Variants in RNF146 observed in about 807,000 individuals in gnomAD.
RNF146 encodes E3 ubiquitin-protein ligase RNF146.
RNF146 carries 11 observed loss-of-function variants against 29.7 expected under a neutral mutation model. The observed-to-expected ratio is 0.37, with a 90% CI of 0.23 to 0.61. The LOEUF is 0.61. Among genes scored for constraint, RNF146 ranks in the 20% least tolerant of loss-of-function variants. The pLI is 0.66. For missense variants in RNF146, 342 were observed against 438.9 expected, an observed-to-expected ratio of 0.78 and a Z score of 1.97; for synonymous variants, 150 against 159.7, an observed-to-expected ratio of 0.94 and a Z score of 0.46.
intron 1 of RNF146, among the ~76,000 whole-genome samples, chr6:127,274,294 G>C (rs990240404): frequency 2.6e-5 from 4 of 152,062 alleles, no homozygotes; most frequent in African/African-American, 9.7e-5. Context: ...GCTTATTTGG[G>C]TGTTCAAATA....
In RNF146 at chr6:127,287,729, AG is replaced by A. The variant is rs1779720927; in HGVS notation, c.*39del. 1 of 1,317,656 alleles carries A rather than the reference AG, an allele frequency of 7.6e-7. No homozygotes were observed. The highest frequency in any genetic ancestry group is 1.4e-5 in the South Asian group (1 of 72,246). 81.6% of individuals were successfully genotyped at this position (1,317,656 alleles called of 1,614,324 possible). A position where few individuals can be genotyped will look rare whatever the true frequency, so the allele number is the denominator to read the frequency against. On this transcript the variant is annotated 3_prime_UTR_variant, in exon 3 of 3. Coordinates refer to ENST00000368314, the MANE Select transcript of RNF146 (RefSeq NM_001242850.2). ...CTTCAGCTCCATGCTCAAGGTTGAA[AG>A]GGTTACCTGTAAATTTCTGCCCACA...
Position 127,280,354 on chromosome 6 carries a change from C to G in RNF146, c.2+14C>G, listed in dbSNP as rs1026451584. On this transcript the variant is annotated intron_variant, in intron 2 of 2. Transcript: ENST00000368314. ...TGTAATAGAAATGTAAGTGTAGCAT[C>G]ATGGTTTTTTTCAGTGCTGCAGTAA... 1.3e-6 allele frequency: 2 copies of G among 1,546,634 alleles called. No homozygotes were observed. The highest frequency in any genetic ancestry group is 2.0e-5 in the Admixed American group (1 of 50,878).
intron 1 of RNF146, among the ~76,000 whole-genome samples, chr6:127,278,222 T>G (rs1778487767): frequency 6.6e-6 from 1 of 152,040 alleles, no homozygotes; most frequent in Non-Finnish European, 1.5e-5. Context: ...GATTAATGAC[T>G]GAGATGGTAC....
chr6:127,276,158 ATG>A (rs1035849594), intron 1 of RNF146, among the ~76,000 whole-genome samples: 1 of 151,144 alleles, frequency 6.6e-6, no homozygotes, highest in East Asian at 2.0e-4. Flanking sequence ...GAGTGAGTGT[ATG>A]TGTGTGTGTG....
At position 127,280,236 on chromosome 6, in the gene RNF146, A is replaced by C; in HGVS notation, c.-103A>C. Reference sequence around the variant, plus strand: ...ACTCTTTTTTTCTTTTGCAGCACAAAGAATGAACCAGCAGTGGAAGAGAAA... The same window carrying C: ...ACTCTTTTTTTCTTTTGCAGCACAACGAATGAACCAGCAGTGGAAGAGAAA... On this transcript the variant is annotated 5_prime_UTR_variant, in exon 2 of 3. Coordinates refer to ENST00000368314, the MANE Select transcript of RNF146 (RefSeq NM_001242850.2). 9.0e-7 allele frequency: 1 copy of C among 1,109,102 alleles called. No homozygotes were observed. The highest frequency in any genetic ancestry group is 1.3e-6 in the Non-Finnish European group (1 of 755,466). 68.7% of individuals were successfully genotyped at this position (1,109,102 alleles called of 1,614,324 possible).
At chr6:127,271,445 T>C (rs968566074) in intron 1 of RNF146, among the ~76,000 whole-genome samples, 1 of 152,246 alleles carries the variant, frequency 6.6e-6, no homozygotes, top group African/African-American at 2.4e-5. Flanking sequence ...AGTTTTCTTT[T>C]TTAATGTGTC....
chr6:127,269,110 C>T (rs1777076335), intron 1 of RNF146, among the ~76,000 whole-genome samples: 1 of 152,202 alleles, frequency 6.6e-6, no homozygotes, highest in Admixed American at 6.5e-5. Flanking sequence ...TGTGAAACAA[C>T]ATCTTTGTGG....
At chr6:127,285,966 AT>A in intron 2 of RNF146, 5 of 1,039,590 alleles carry the variant, frequency 4.8e-6, no homozygotes, top group Non-Finnish European at 4.9e-6. Context: ...ATCTGAATCA[AT>A]AAGGCAGAAA....
intron 1 of RNF146, among the ~76,000 whole-genome samples, chr6:127,278,156 C>T (rs758305892): frequency 9.9e-5 from 15 of 151,986 alleles, no homozygotes; most frequent in South Asian, 2.1e-4. Context: ...ATATGATGTG[C>T]GTCCTGTAGT....
chr6:127,280,580 A>G, intron 2 of RNF146: 3 of 1,188,898 alleles, frequency 2.5e-6, no homozygotes. Flanking sequence ...GAGTTTGCTC[A>G]AAGAATGCTG....
intron 2 of RNF146, 48 bp downstream of exon 2, chr6:127,280,388 G>C: frequency 6.5e-7 from 1 of 1,540,208 alleles, no homozygotes; most frequent in Non-Finnish European, 8.8e-7. Flanking sequence ...AAATTAAATG[G>C]ATTGGTTTAA....
Position 127,287,129 on chromosome 6 carries a change from T to A in RNF146, c.516T>A (p.Asp172Glu). The A allele has an allele frequency of 6.2e-7, 1 of 1,613,264 alleles. No individual in the cohort carries two copies. The highest frequency in any genetic ancestry group is 8.5e-7 in the Non-Finnish European group (1 of 1,179,592). Residue 172 changes from aspartate (D) to glutamate (E), a missense_variant, in exon 3 of 3, where the codon GAT (aspartate) becomes GAA (glutamate). Physicochemically the swap from Asp to Glu is conservative, Grantham distance 45. Transcript: ENST00000368314. ...GGAAGATTAAGCGAGATATAATAGA[T>A]ATACCAAAGAAGGGAGTAGCTGGAC... ...RRRKIKRDII[D>E]IPKKGVAGLR...
chr6:127,266,764 CG>C (rs1204939459), upstream of RNF146: 3 of 152,162 alleles, frequency 2.0e-5, no homozygotes, highest in Non-Finnish European at 4.4e-5. Flanking sequence ...GATGAGGCGC[CG>C]GAGTTAGCTC....
At chr6:127,285,436 T>TA (rs1779381371) in intron 2 of RNF146, 3 of 668,352 alleles carry the variant, frequency 4.5e-6, no homozygotes, top group Non-Finnish European at 5.5e-6. Context: ...TCATTCATTT[T>TA]AAGCTTTCAA....
rs112136087 is a variant in RNF146 at position 127,283,452 on chromosome 6, A to G, written c.2+3112A>G. Among the ~76,000 whole-genome samples the G allele has an allele frequency of 3.3e-5, 5 of 151,866 alleles. 1 individual carries two copies. The highest frequency in any genetic ancestry group is 1.2e-4 in the African/African-American group (5 of 41,520). On this transcript the variant is annotated intron_variant, in intron 2 of 2. Coordinates refer to ENST00000368314, the MANE Select transcript of RNF146 (RefSeq NM_001242850.2). ...ACAAAGGGAGGGGAAAAGCTTTCTT[A>G]TTTACATATTGGTATGATCATCTGC...
intron 1 of RNF146, among the ~76,000 whole-genome samples, chr6:127,272,549 G>A (rs1777637431): frequency 6.6e-6 from 1 of 152,168 alleles, no homozygotes; most frequent in African/African-American, 2.4e-5. Context: ...TAGGATTCCT[G>A]TTTACATCTG....
rs138153918 is a variant in RNF146 at position 127,277,737 on chromosome 6, A to G, written c.-108-2494A>G. Among the ~76,000 whole-genome samples, 20 of 152,064 alleles carry G rather than the reference A, an allele frequency of 1.3e-4. No homozygotes were observed. In the East Asian group the frequency reaches 3.5e-3, roughly 27 times the overall value. On this transcript the variant is annotated intron_variant, in intron 1 of 2. Transcript: ENST00000368314. ...CAGCTGATTAGATTGTGCCCACCAGATTAAGGGTGAGTCTGCCTTGCCCAG... is the reference window on the plus strand; with the variant it reads ...CAGCTGATTAGATTGTGCCCACCAGGTTAAGGGTGAGTCTGCCTTGCCCAG...
chr6:127,268,972 C>T (rs1279308605), intron 1 of RNF146, among the ~76,000 whole-genome samples: 1 of 152,116 alleles, frequency 6.6e-6, no homozygotes, highest in Non-Finnish European at 1.5e-5. Flanking sequence ...TAACCATATA[C>T]TACCAGGAAA....
rs1276606877 is a variant in RNF146 at position 127,280,264 on chromosome 6, A to G, written c.-75A>G. ...ATGAACCAGCAGTGGAAGAGAAAAT[A>G]CTGTAAGCTGGCTGACTGCTGGTGA... On this transcript the variant is annotated 5_prime_UTR_variant, in exon 2 of 3. The change creates a new upstream start codon in the 5' untranslated region. Coordinates refer to ENST00000368314, the MANE Select transcript of RNF146 (RefSeq NM_001242850.2). 2.0e-6 allele frequency: 3 copies of G among 1,464,168 alleles called. No homozygotes were observed. Among genetic ancestry groups the G allele is most frequent in the Admixed American group, 4.0e-5 (2 of 50,556 alleles). 90.7% of individuals were successfully genotyped at this position (1,464,168 alleles called of 1,614,324 possible). A position where few individuals can be genotyped will look rare whatever the true frequency, so the allele number is the denominator to read the frequency against.
Sources: allele counts gnomAD v4.1 joint callset (sites outside exome capture counted in the v4.1 genomes callset), GRCh38; gene constraint gnomAD v4.1.1; transcripts MANE v1.5; gene names NCBI Gene and HGNC (gene_info 2026-07-23, HGNC 2026-07-21).